Variants in ZBTB7C observed in about 807,000 individuals in gnomAD.
The protein encoded by ZBTB7C is zinc finger and BTB domain-containing protein 7C.
A neutral mutation model predicts 25.7 loss-of-function variants in ZBTB7C; 8 were observed. The observed-to-expected ratio is 0.31, with a 90% CI of 0.18 to 0.56. The LOEUF (loss-of-function observed/expected upper bound fraction) is 0.56. Ranked by LOEUF, ZBTB7C falls within the 20% of genes least tolerant of loss-of-function variation. The probability of loss-of-function intolerance (pLI) is 0.91; values close to 1 mark genes in which losing one functional copy is unlikely to be tolerated. For missense variants in ZBTB7C, 824 were observed against 855.2 expected (o/e 0.96, Z 0.46); for synonymous variants, 394 against 369.0 (o/e 1.07, Z -0.78).
chr18:48,032,158 G>C (rs2035779028), intron 4 of ZBTB7C, among the ~76,000 whole-genome samples: 1 of 152,034 alleles, frequency 6.6e-6, no homozygotes, highest in Admixed American at 6.5e-5. Flanking sequence ...CTGTTGCCCA[G>C]GCTGGAGTAC....
intron 1 of ZBTB7C, among the ~76,000 whole-genome samples, chr18:48,347,327 C>T (rs1335656592): frequency 2.0e-5 from 3 of 151,690 alleles, no homozygotes; most frequent in South Asian, 4.2e-4. Flanking sequence ...GCGTGAGCCA[C>T]CACTCCCAGC....
intron 3 of ZBTB7C, among the ~76,000 whole-genome samples, chr18:48,097,399 T>TATTATTATG (rs2038675926): frequency 6.6e-6 from 1 of 150,580 alleles, no homozygotes; most frequent in Non-Finnish European, 1.5e-5. Flanking sequence ...TTATTATTAT[T>TATTATTATG]ATTATTATTA....
rs370120240 is a variant in ZBTB7C, at chr18:48,160,808, G to C, written c.-17+25126C>G. ...ACACCTGAGAGGGCAGTGGCAGTCT[G>C]AGGGGGGCCAGGTGGCCTTCTTGAT... On this transcript the variant is annotated intron_variant, in intron 3 of 4. Coordinates refer to ENST00000590800, the MANE Select transcript of ZBTB7C (RefSeq NM_001318841.2). 8.5e-5 allele frequency among the ~76,000 whole-genome samples: 13 copies of C among 152,248 alleles called. No homozygotes were observed. The East Asian group carries it at 1.7e-3, about 20-fold the overall frequency.
intron 3 of ZBTB7C, among the ~76,000 whole-genome samples, chr18:48,075,800 C>T (rs2037740364): frequency 6.6e-6 from 1 of 152,180 alleles, no homozygotes; most frequent in South Asian, 2.1e-4. Flanking sequence ...TCAGAGGCCC[C>T]ACCTGCTCTG....
intron 1 of ZBTB7C, among the ~76,000 whole-genome samples, chr18:48,366,669 A>G (rs2047227901): frequency 6.6e-6 from 1 of 152,240 alleles, no homozygotes; most frequent in African/African-American, 2.4e-5. Flanking sequence ...AACAGGAAAC[A>G]TAAATGCATT....
chr18:48,361,788 C>T (rs1317043919), intron 1 of ZBTB7C, among the ~76,000 whole-genome samples: 1 of 152,216 alleles, frequency 6.6e-6, no homozygotes, highest in African/African-American at 2.4e-5. Context: ...TCAGAGAGGA[C>T]TCAGAAGCCC....
chr18:48,332,673 C>CTT (rs58216606), intron 2 of ZBTB7C, among the ~76,000 whole-genome samples: 414 of 85,684 alleles, frequency 4.8e-3, no homozygotes, highest in Middle Eastern at 8.8e-3. Flanking sequence ...CTCTCCTTTG[C>CTT]TTTTTTTTTT....
chr18:48,069,429 G>A (rs1352911798), intron 3 of ZBTB7C, among the ~76,000 whole-genome samples: 1 of 152,188 alleles, frequency 6.6e-6, no homozygotes, highest in Non-Finnish European at 1.5e-5. Flanking sequence ...GCTGCCTTGT[G>A]TAGTCCTTGA....
At chr18:48,404,746 C>T (rs986550715) in intron 1 of ZBTB7C, among the ~76,000 whole-genome samples, 2 of 152,188 alleles carry the variant, frequency 1.3e-5, no homozygotes, top group East Asian at 1.9e-4. Context: ...CCATGGAGTA[C>T]GGCAAATAAG....
intron 3 of ZBTB7C, among the ~76,000 whole-genome samples, chr18:48,076,484 T>G (rs2144441640): frequency 6.6e-6 from 1 of 152,280 alleles, no homozygotes; most frequent in South Asian, 2.1e-4. Context: ...CCAGGCTATA[T>G]CTAGGACACT....
intron 2 of ZBTB7C, among the ~76,000 whole-genome samples, chr18:48,273,078 T>C (rs926001088): frequency 2.6e-5 from 4 of 152,208 alleles, no homozygotes; most frequent in African/African-American, 9.6e-5. Flanking sequence ...TTAGTATTAA[T>C]GGTTGCAGAA....
chr18:48,149,361 C>A (rs2040602305), intron 3 of ZBTB7C: 1 of 152,226 alleles, frequency 6.6e-6, no homozygotes, highest in Non-Finnish European at 1.5e-5. Flanking sequence ...GGCTCTGACA[C>A]CCTCCGGGAA....
intron 2 of ZBTB7C, among the ~76,000 whole-genome samples, chr18:48,222,685 G>A (rs2042992258): frequency 6.6e-6 from 1 of 152,070 alleles, no homozygotes; most frequent in African/African-American, 2.4e-5. Context: ...CAGACACAGG[G>A]CAGGAGACTC....
intron 2 of ZBTB7C, among the ~76,000 whole-genome samples, chr18:48,278,115 T>A (rs2044721877): frequency 6.6e-6 from 1 of 152,242 alleles, no homozygotes; most frequent in Admixed American, 6.5e-5. Context: ...AGGTTTGTTC[T>A]GACCAACAGA....
rs535070520 is a variant in ZBTB7C at position 48,084,327 on chromosome 18, T to C, written c.-16-43204A>G. ...ATGATATGCCATCCCCTCCCCACGA[T>C]GGGGGCTTAGGTCTCTTCGCCCTGT... On this transcript the variant is annotated intron_variant, in intron 3 of 4. Coordinates refer to ENST00000590800, the MANE Select transcript of ZBTB7C (RefSeq NM_001318841.2). Among the ~76,000 whole-genome samples the C allele has an allele frequency of 7.2e-5, 11 of 152,302 alleles. 1 individual carries two copies. The South Asian group carries it at 2.1e-3, about 29-fold the overall frequency.
chr18:48,158,525 T>TG (rs74172096), intron 3 of ZBTB7C, among the ~76,000 whole-genome samples: 22,747 of 151,574 alleles, frequency 0.15, 1,903 homozygotes, highest in South Asian at 0.25. Context: ...AGGGGTGGGG[T>TG]GGGGGTGATA....
chr18:48,397,531 T>A (rs570322756), intron 1 of ZBTB7C, among the ~76,000 whole-genome samples: 2 of 152,336 alleles, frequency 1.3e-5, no homozygotes, highest in Non-Finnish European at 2.9e-5. Flanking sequence ...CAGTTCATCA[T>A]CTGCTCATTT....
At chr18:48,041,213 A>C in intron 3 of ZBTB7C, 90 bp from the exon 4 acceptor site, 11 of 1,464,126 alleles carry the variant, frequency 7.5e-6, no homozygotes, top group South Asian at 1.4e-5. Flanking sequence ...CCTCCTTGGC[A>C]TAAGGGCTCC....
At chr18:48,334,657 T>A (rs1394195367) in intron 2 of ZBTB7C, among the ~76,000 whole-genome samples, 1 of 152,132 alleles carries the variant, frequency 6.6e-6, no homozygotes, top group Non-Finnish European at 1.5e-5. Context: ...GACAATAAAA[T>A]GTGTACTCCC....
Sources: allele counts gnomAD v4.1 joint callset (sites outside exome capture counted in the v4.1 genomes callset), GRCh38; gene constraint gnomAD v4.1.1; transcripts MANE v1.5; gene names NCBI Gene and HGNC (gene_info 2026-07-23, HGNC 2026-07-21).